Variants in MMP2 observed in about 807,000 individuals in gnomAD.
MMP2 encodes the protein matrix metallopeptidase 2, also known as 72 kDa type IV collagenase.
A neutral mutation model predicts 74.8 loss-of-function variants in MMP2; 39 were observed. The ratio of observed to expected loss-of-function variants is 0.52; its 90% CI spans 0.40 to 0.68. MMP2 has a LOEUF of 0.68. MMP2 is among the 30% of genes least tolerant of loss of function. MMP2 has a pLI of 0.00. For missense variants in MMP2, 803 were observed against 878.3 expected (o/e 0.91, Z 1.08); for synonymous variants, 367 against 339.8 (o/e 1.08, Z -0.88).
rs121912954 is a variant in MMP2 at position 55,485,677 on chromosome 16, C to G, written c.732C>G (p.Tyr244Ter). ...KFPFLFNGKEYNSCTDTGRSD... is the reference protein window; with the variant it reads ...KFPFLFNGKE ...CCTTCTTGTTCAATGGCAAGGAGTACAACAGCTGCACTGATACCGGCCGCA... is the reference window on the plus strand; with the variant it reads ...CCTTCTTGTTCAATGGCAAGGAGTAGAACAGCTGCACTGATACCGGCCGCA... The change falls in exon 5 of 13, where the codon TAC (tyrosine) becomes TAG (stop). Residue 244 changes from tyrosine (Y) to a stop codon, truncating the protein, a stop_gained. Coordinates refer to ENST00000219070, the MANE Select transcript of MMP2 (RefSeq NM_004530.6). LOFTEE classifies it high-confidence loss of function. 6.2e-7 allele frequency: 1 copy of G among 1,614,034 alleles called. No individual in the cohort carries two copies. Among genetic ancestry groups the G allele is most frequent in the African/African-American group, 1.3e-5 (1 of 74,900 alleles).
At chr16:55,491,020 G>A (rs1438058183) in intron 7 of MMP2, among the ~76,000 whole-genome samples, 2 of 151,724 alleles carry the variant, frequency 1.3e-5, no homozygotes, top group African/African-American at 4.8e-5. Context: ...TCCAGTCTAT[G>A]CCTCTGTCAT....
chr16:55,485,351 C>T lies in MMP2; in HGVS notation c.582C>T (p.Ala194=). Residue 194 remains alanine (A), a synonymous_variant, in exon 4 of 13, where the codon GCC becomes GCT. Coordinates refer to ENST00000219070, the MANE Select transcript of MMP2 (RefSeq NM_004530.6). ...FDGKDGLLAH[A]FAPGTGVGGD... ...GTAAGGACGGACTCCTGGCTCATGC[C>T]TTCGCCCCAGGCACTGGTGTTGGGG... The T allele has an allele frequency of 1.2e-6, 2 of 1,614,142 alleles. No homozygotes were observed. Among genetic ancestry groups the T allele is most frequent in the African/African-American group, 1.3e-5 (1 of 75,014 alleles).
intron 5 of MMP2, among the ~76,000 whole-genome samples, chr16:55,486,347 C>CTGTGTGTGTGTGTGTGTGTG (rs57608135): frequency 5.1e-5 from 7 of 137,728 alleles, no homozygotes; most frequent in African/African-American, 1.4e-4. Context: ...GTGTGTGTGC[C>CTGTGTGTGTGTGTGTGTGTG]TGTGTGTGTG....
intron 5 of MMP2, among the ~76,000 whole-genome samples, chr16:55,486,338 T>TGTGTGC (rs1480535990): frequency 6.1e-4 from 64 of 104,238 alleles, no homozygotes; most frequent in African/African-American, 2.1e-3. Context: ...TGTGTGTGTG[T>TGTGTGC]GTGTGTGCCT....
Position 55,484,181 on chromosome 16 carries a change from G to A in MMP2, c.529+17G>A. 1 of 1,613,142 alleles carries A rather than the reference G, an allele frequency of 6.2e-7. No individual in the cohort carries two copies. Among genetic ancestry groups the A allele is most frequent in the Non-Finnish European group, 8.5e-7 (1 of 1,179,636 alleles). ...GCCGCTGGGGTAGGCAGAAGATGGG[G>A]CAGAAGAGGGGCCAGCAGGGATCAG... On this transcript the variant is annotated intron_variant, in intron 3 of 12. Coordinates refer to ENST00000219070, the MANE Select transcript of MMP2 (RefSeq NM_004530.6).
intron 1 of MMP2, chr16:55,479,865 A>G (rs1962052602): frequency 3.5e-6 from 2 of 573,356 alleles, no homozygotes; most frequent in Non-Finnish European, 6.1e-6. Flanking sequence ...TTCAGCATAC[A>G]GCAGTGGGGC....
intron 1 of MMP2, 55 bp from the exon 2 acceptor site, chr16:55,482,854 A>T: frequency 1.4e-6 from 2 of 1,473,300 alleles, no homozygotes; most frequent in Non-Finnish European, 1.9e-6. Flanking sequence ...TGCTTTGGTC[A>T]GTACTGTGCC....
chr16:55,496,821 T>A (rs933175206), intron 9 of MMP2, 105 bp from the exon 10 acceptor site: 3 of 1,483,614 alleles, frequency 2.0e-6, no homozygotes, highest in East Asian at 4.6e-5. Flanking sequence ...ACTCCCATCA[T>A]GGAATCATCT....
intron 12 of MMP2, 85 bp from the exon 13 acceptor site, chr16:55,505,254 G>A: frequency 8.9e-7 from 1 of 1,127,618 alleles, no homozygotes. Context: ...CCCTATGCCA[G>A]GCAGAAATTC....
At chr16:55,486,333 G>GTGTGTGCC (rs1962249629) in intron 5 of MMP2, among the ~76,000 whole-genome samples, 1 of 131,978 alleles carries the variant, frequency 7.6e-6, no homozygotes, top group Non-Finnish European at 1.6e-5. Context: ...GTGTGTGTGT[G>GTGTGTGCC]TGTGTGTGTG....
chr16:55,501,789 G>A (rs1954228500), intron 11 of MMP2, among the ~76,000 whole-genome samples: 1 of 152,124 alleles, frequency 6.6e-6, no homozygotes, highest in African/African-American at 2.4e-5. Context: ...GCACTGTGGA[G>A]CAAAAGGTGG....
chr16:55,505,578 T>C lies in MMP2; in HGVS notation c.*136T>C. 1.3e-6 allele frequency: 1 copy of C among 748,554 alleles called. No individual in the cohort carries two copies. The highest frequency in any genetic ancestry group is 2.4e-6 in the Non-Finnish European group (1 of 422,792). 46.4% of individuals were successfully genotyped at this position (748,554 alleles called of 1,614,324 possible). A position where few individuals can be genotyped will look rare whatever the true frequency, so the allele number is the denominator to read the frequency against. On this transcript the variant is annotated 3_prime_UTR_variant, in exon 13 of 13. Coordinates refer to ENST00000219070, the MANE Select transcript of MMP2 (RefSeq NM_004530.6). ...GCTAATCAGCATTCTCACTCCTACCTGGTAATTTAAGATTCCAGAGAGTGG... is the reference window on the plus strand; with the variant it reads ...GCTAATCAGCATTCTCACTCCTACCCGGTAATTTAAGATTCCAGAGAGTGG...
chr16:55,489,543 C>A, intron 6 of MMP2, 108 bp from the exon 7 acceptor site: 2 of 1,352,636 alleles, frequency 1.5e-6, no homozygotes, highest in Non-Finnish European at 2.1e-6. Flanking sequence ...GTGCCTGGGA[C>A]TGAGTCTAAC....
intron 5 of MMP2, among the ~76,000 whole-genome samples, chr16:55,486,119 T>C (rs563805852): frequency 6.6e-6 from 1 of 152,252 alleles, no homozygotes; most frequent in East Asian, 1.9e-4. Flanking sequence ...TGCCCAGTGG[T>C]TCTCTCTAGA....
At chr16:55,492,986 C>T (rs1279703390) in intron 8 of MMP2, among the ~76,000 whole-genome samples, 172 bp from the exon 9 acceptor site, 2 of 152,064 alleles carry the variant, frequency 1.3e-5, no homozygotes, top group African/African-American at 4.8e-5. Context: ...TACAAAGGGC[C>T]CCAGGACTCC....
chr16:55,502,996 G>A (rs542104432), intron 12 of MMP2, 108 bp downstream of exon 12: 42 of 891,382 alleles, frequency 4.7e-5, no homozygotes, highest in Middle Eastern at 3.2e-4. Context: ...GCAGGCAGGC[G>A]GCGCCCAGGA....
chr16:55,479,645 G>A lies in MMP2; in HGVS notation c.153+13G>A. ...AGAGTTGGCAGTGGTGAGTTGCTGC[G>A]CTGGCCTCAAGGAACCACGTTTAGA... On this transcript the variant is annotated intron_variant, in intron 1 of 12. Transcript: ENST00000219070. 5 of 1,613,680 alleles carry A rather than the reference G, an allele frequency of 3.1e-6. No homozygotes were observed. The highest frequency in any genetic ancestry group is 4.2e-6 in the Non-Finnish European group (5 of 1,179,984).
In MMP2 at chr16:55,479,378, C is replaced by A; in HGVS notation, c.-102C>A. 1.5e-6 allele frequency: 2 copies of A among 1,292,760 alleles called. No homozygotes were observed. The highest frequency in any genetic ancestry group is 2.0e-6 in the Non-Finnish European group (2 of 1,011,532). 80.1% of individuals were successfully genotyped at this position (1,292,760 alleles called of 1,614,324 possible). On this transcript the variant is annotated 5_prime_UTR_variant, in exon 1 of 13. Coordinates refer to ENST00000219070, the MANE Select transcript of MMP2 (RefSeq NM_004530.6). ...CCACCGAGCCAGCGGACCCTCGGAG[C>A]GCAGCCCTGCGCCGCGGAGCAGGCT...
At chr16:55,504,556 C>T (rs1962747925) in intron 12 of MMP2, among the ~76,000 whole-genome samples, 1 of 152,044 alleles carries the variant, frequency 6.6e-6, no homozygotes, top group Non-Finnish European at 1.5e-5. Context: ...CATTTCCCTT[C>T]TTCCACTCCC....
Sources: allele counts gnomAD v4.1 joint callset (sites outside exome capture counted in the v4.1 genomes callset), GRCh38; gene constraint gnomAD v4.1.1; transcripts MANE v1.5; gene names NCBI Gene and HGNC (gene_info 2026-07-23, HGNC 2026-07-21).